LRIG1: variants seen among roughly 807,000 people sequenced by gnomAD.
The protein encoded by LRIG1 is leucine rich repeats and immunoglobulin like domains 1, also known as leucine-rich repeats and immunoglobulin-like domains protein 1.
A neutral mutation model predicts 99.2 loss-of-function variants in LRIG1; 48 were observed. The observed-to-expected ratio is 0.48, with a 90% CI of 0.38 to 0.62. LRIG1 has a LOEUF of 0.62. Among genes scored for constraint, LRIG1 ranks in the 20% least tolerant of loss-of-function variants. The probability of loss-of-function intolerance (pLI) is 0.00; values close to 1 mark genes in which losing one functional copy is unlikely to be tolerated. For synonymous variants in LRIG1, 772 were observed against 596.1 expected (o/e 1.29, Z -4.30); for missense variants, 1,646 against 1,434.4 (o/e 1.15, Z -2.38).
At chr3:66,446,361 A>G (rs1703723884) in intron 3 of LRIG1, among the ~76,000 whole-genome samples, 1 of 150,460 alleles carries the variant, frequency 6.6e-6, no homozygotes, top group African/African-American at 2.4e-5. Flanking sequence ...AGAAATTACA[A>G]CAGAGGGCTG....
intron 9 of LRIG1, among the ~76,000 whole-genome samples, chr3:66,403,602 G>C (rs1702144984): frequency 6.6e-6 from 1 of 152,188 alleles, no homozygotes; most frequent in Non-Finnish European, 1.5e-5. Flanking sequence ...GGACAAAGGA[G>C]AAAGCACCAG....
At position 66,384,254 on chromosome 3, in the gene LRIG1, T is replaced by C. The variant is rs777371397; in HGVS notation, c.1808A>G (p.Lys603Arg). The change falls in exon 14 of 19, where the codon AAA becomes AGA. Residue 603 changes from lysine (K) to arginine (R), a missense_variant. Coordinates refer to ENST00000273261, the MANE Select transcript of LRIG1 (RefSeq NM_015541.3). The part of the protein sequence containing the change: ...LTVNVLPSFT[K>R]TPHDITIRTT... The stretch of plus-strand genomic sequence containing the variant: ...CCGGATGGTTATGTCGTGGGGCGTT[T>C]TGGTGAATGATGGCAACACTGGAAA... 1.2e-6 allele frequency: 2 copies of C among 1,611,674 alleles called. No individual in the cohort carries two copies. The highest frequency in any genetic ancestry group is 1.7e-6 in the Non-Finnish European group (2 of 1,177,976).
intron 7 of LRIG1, chr3:66,409,818 T>C (rs2106666658): frequency 7.7e-6 from 2 of 258,918 alleles, no homozygotes; most frequent in East Asian, 7.5e-5. Flanking sequence ...CCCCAGGAAC[T>C]TTCTACCCCT....
At chr3:66,438,243 A>G (rs1295466538) in intron 3 of LRIG1, among the ~76,000 whole-genome samples, 1 of 152,134 alleles carries the variant, frequency 6.6e-6, no homozygotes, top group Admixed American at 6.5e-5. Context: ...TGCAACATAG[A>G]GCACACAGCT....
intron 6 of LRIG1, among the ~76,000 whole-genome samples, chr3:66,412,127 C>T (rs1702486364): frequency 1.3e-5 from 2 of 152,246 alleles, no homozygotes; most frequent in Admixed American, 6.5e-5. Context: ...GCCCCTTCTG[C>T]TGCTGTACAC....
intron 1 of LRIG1, among the ~76,000 whole-genome samples, chr3:66,486,711 G>A (rs1418957117): frequency 6.6e-6 from 1 of 152,210 alleles, no homozygotes; most frequent in African/African-American, 2.4e-5. Flanking sequence ...GTATGGACAT[G>A]TCTATTTTAG....
chr3:66,486,305 G>A (rs1700973679), intron 1 of LRIG1, among the ~76,000 whole-genome samples: 1 of 152,076 alleles, frequency 6.6e-6, no homozygotes, highest in African/African-American at 2.4e-5. Context: ...TACAGAAAAG[G>A]AAACTGAAGT....
chr3:66,470,818 T>A (rs1444196906), intron 1 of LRIG1, among the ~76,000 whole-genome samples: 3 of 152,212 alleles, frequency 2.0e-5, no homozygotes, highest in Non-Finnish European at 4.4e-5. Flanking sequence ...TTCTAGGATC[T>A]TTCCTACCAA....
At chr3:66,481,425 G>A (rs1478273139) in intron 1 of LRIG1, among the ~76,000 whole-genome samples, 1 of 152,072 alleles carries the variant, frequency 6.6e-6, no homozygotes, top group East Asian at 1.9e-4. Context: ...GGGAGGCTGT[G>A]CCCAATTTAA....
At chr3:66,440,231 TC>T (rs1379853077) in intron 3 of LRIG1, among the ~76,000 whole-genome samples, 1 of 152,056 alleles carries the variant, frequency 6.6e-6, no homozygotes, top group Non-Finnish European at 1.5e-5. Flanking sequence ...CCCCCTCTGC[TC>T]CCCAGCCCAC....
At chr3:66,468,688 C>T (rs1700530197) in intron 1 of LRIG1, among the ~76,000 whole-genome samples, 1 of 152,190 alleles carries the variant, frequency 6.6e-6, no homozygotes, top group Non-Finnish European at 1.5e-5. Flanking sequence ...TCAGAACGTG[C>T]ACTGTCAGCC....
At chr3:66,407,620 C>T (rs897270600) in intron 7 of LRIG1, 129 bp from the exon 8 acceptor site, 21 of 943,754 alleles carry the variant, frequency 2.2e-5, no homozygotes, top group South Asian at 1.3e-4. Context: ...CACGCGCGTG[C>T]GTGCACACAC....
chr3:66,419,641 G>A (rs1675501921), intron 3 of LRIG1, among the ~76,000 whole-genome samples: 1 of 152,276 alleles, frequency 6.6e-6, no homozygotes, highest in South Asian at 2.1e-4. Context: ...ATGCCTCGCA[G>A]CCCAAGCTAA....
At chr3:66,413,037 G>A in intron 5 of LRIG1, 23 bp from the exon 6 acceptor site, 1 of 1,614,064 alleles carries the variant, frequency 6.2e-7, no homozygotes, top group Non-Finnish European at 8.5e-7. Flanking sequence ...AGCCAGCAGG[G>A]TCAGAGTGTC....
intron 3 of LRIG1, among the ~76,000 whole-genome samples, chr3:66,444,681 A>C (rs922246502): frequency 3.9e-5 from 6 of 152,214 alleles, no homozygotes; most frequent in Admixed American, 3.9e-4. Flanking sequence ...GGTAAGACCC[A>C]GTGACTTGTG....
chr3:66,415,086 A>T, intron 4 of LRIG1, 23 bp from the exon 5 acceptor site: 1 of 1,580,872 alleles, frequency 6.3e-7, no homozygotes, highest in Non-Finnish European at 8.6e-7. Flanking sequence ...AGAAAAGAAA[A>T]TGTGGTGGTT....
At chr3:66,442,568 C>T (rs1559801644) in intron 3 of LRIG1, among the ~76,000 whole-genome samples, 1 of 152,120 alleles carries the variant, frequency 6.6e-6, no homozygotes, top group Non-Finnish European at 1.5e-5. Flanking sequence ...CTCCGCTTCC[C>T]GGCTCCATTT....
In LRIG1 at chr3:66,476,155, T is replaced by C. The variant is rs530790590; in HGVS notation, c.219-13646A>G. Among the ~76,000 whole-genome samples, 9 of 152,302 alleles carry C rather than the reference T, an allele frequency of 5.9e-5. No homozygotes were observed. In the East Asian group the frequency reaches 1.5e-3, roughly 26 times the overall value. On this transcript the variant is annotated intron_variant, in intron 1 of 18. Coordinates refer to ENST00000273261, the MANE Select transcript of LRIG1 (RefSeq NM_015541.3). ...AGAGCACCTGCTTTCTTCCTTCCCA[T>C]GGCAAGCATGTTTTCCTCACTCGAA...
At position 66,430,182 on chromosome 3, in the gene LRIG1, A is replaced by G. The variant is rs567529217; in HGVS notation, c.366-12916T>C. On this transcript the variant is annotated intron_variant, in intron 3 of 18. Transcript: ENST00000273261. ...AGGAAAAACAAAACAAAACAACAAC[A>G]ACAACAACAAAAAAAAAACACTGAG... 3.3e-3 allele frequency among the ~76,000 whole-genome samples: 431 copies of G among 128,922 alleles called. 1 individual carries two copies. In the East Asian group the frequency reaches 0.034, roughly 10 times the overall value. 84.6% of individuals were successfully genotyped at this position (128,922 alleles called of 152,430 possible).
Sources: allele counts gnomAD v4.1 joint callset (sites outside exome capture counted in the v4.1 genomes callset), GRCh38; gene constraint gnomAD v4.1.1; transcripts MANE v1.5; gene names NCBI Gene and HGNC (gene_info 2026-07-23, HGNC 2026-07-21).